SYN2: variants seen among roughly 807,000 people sequenced by gnomAD.
SYN2 encodes synapsin-2.
In SYN2, 19 loss-of-function variants were observed where a neutral mutation model predicts 50.9. The ratio of observed to expected loss-of-function variants is 0.37; its 90% confidence interval spans 0.26 to 0.55. SYN2 has a LOEUF of 0.55. SYN2 is among the 20% of genes least tolerant of loss of function. SYN2 has a pLI of 0.81. For synonymous variants in SYN2, 255 were observed against 224.9 expected (o/e 1.13, Z -1.20); for missense variants, 587 against 576.4 (o/e 1.02, Z -0.19).
intron 1 of SYN2, among the ~76,000 whole-genome samples, chr3:12,128,906 T>C (rs1469047802): frequency 2.6e-5 from 4 of 152,284 alleles, no homozygotes; most frequent in East Asian, 1.9e-4. Flanking sequence ...AGCACTAACA[T>C]GTACCAGGCA....
chr3:12,005,330 G>A (rs73135626), intron 1 of SYN2, among the ~76,000 whole-genome samples: 1 of 152,166 alleles, frequency 6.6e-6, no homozygotes, highest in Admixed American at 6.5e-5. Context: ...CAGTAAAAAA[G>A]GTTTAACTTC....
chr3:12,020,441 T>TTTGGAGTAGGGAA (rs1428788654), intron 1 of SYN2, among the ~76,000 whole-genome samples: 1 of 151,296 alleles, frequency 6.6e-6, no homozygotes, highest in Non-Finnish European at 1.5e-5. Context: ...GGCAGTGGGT[T>TTTGGAGTAGGGAA]TTGGAGTAGG....
chr3:12,048,239 A>G (rs142903762), intron 1 of SYN2, among the ~76,000 whole-genome samples: 1 of 152,280 alleles, frequency 6.6e-6, no homozygotes, highest in Non-Finnish European at 1.5e-5. Context: ...CAGTGGTATG[A>G]TCACGGCTCA....
At chr3:12,077,503 G>T (rs1251985577) in intron 1 of SYN2, among the ~76,000 whole-genome samples, 4 of 151,850 alleles carry the variant, frequency 2.6e-5, no homozygotes, top group Non-Finnish European at 5.9e-5. Context: ...CCCCAGTGTG[G>T]TGTTCCCCTC....
intron 1 of SYN2, among the ~76,000 whole-genome samples, chr3:12,031,927 T>A (rs1239390692): frequency 7.1e-6 from 1 of 140,572 alleles, no homozygotes; most frequent in African/African-American, 2.6e-5. Flanking sequence ...GTCATTATGA[T>A]GTTAGCTGGT....
At position 12,153,951 on chromosome 3, in the gene SYN2, C is replaced by A. The variant is rs542243212; in HGVS notation, c.774+2625C>A. Reference sequence around the variant, plus strand: ...CTGAGGGTCCTTACTCTACCACTGACCTTGAGCACTTCACTTGCCAGAGCT... The same window carrying A: ...CTGAGGGTCCTTACTCTACCACTGAACTTGAGCACTTCACTTGCCAGAGCT... On this transcript the variant is annotated intron_variant, in intron 5 of 12. Transcript: ENST00000621198. Among the ~76,000 whole-genome samples the A allele has an allele frequency of 1.4e-4, 22 of 152,292 alleles. No homozygotes were observed. In the East Asian group the frequency reaches 3.9e-3, roughly 27 times the overall value.
At chr3:12,175,986 C>G in intron 10 of SYN2, among the ~76,000 whole-genome samples, 1 of 152,202 alleles carries the variant, frequency 6.6e-6, no homozygotes, top group East Asian at 1.9e-4. Context: ...GCAACTGACC[C>G]TCTGTACATG....
chr3:12,015,613 C>T (rs1467834018), intron 1 of SYN2, among the ~76,000 whole-genome samples: 1 of 152,142 alleles, frequency 6.6e-6, no homozygotes, highest in Non-Finnish European at 1.5e-5. Flanking sequence ...ATTATTGTTA[C>T]TGGATTAGAA....
chr3:12,050,524 T>C (rs1694832999), intron 1 of SYN2, among the ~76,000 whole-genome samples: 1 of 151,284 alleles, frequency 6.6e-6, no homozygotes. Context: ...TTTTGTATTA[T>C]TAGTAGACAT....
At chr3:12,122,471 A>C (rs947656394) in intron 1 of SYN2, among the ~76,000 whole-genome samples, 3 of 152,156 alleles carry the variant, frequency 2.0e-5, no homozygotes, top group Non-Finnish European at 4.4e-5. Context: ...TGTAATACCA[A>C]CACAGCAAAA....
intron 1 of SYN2, among the ~76,000 whole-genome samples, chr3:12,130,237 C>CAT (rs1553617307): frequency 6.0e-5 from 9 of 149,228 alleles, no homozygotes; most frequent in South Asian, 2.1e-4. Context: ...TCTCTGTGTG[C>CAT]GTGTGTGTGT....
intron 1 of SYN2, among the ~76,000 whole-genome samples, chr3:12,063,032 A>T (rs1470211283): frequency 2.6e-5 from 4 of 151,964 alleles, no homozygotes; most frequent in Non-Finnish European, 2.9e-5. Flanking sequence ...GGAAAAGGCA[A>T]AACTATAGTA....
intron 8 of SYN2, 108 bp downstream of exon 8, chr3:12,167,416 G>C: frequency 8.4e-7 from 1 of 1,186,478 alleles, no homozygotes; most frequent in Admixed American, 2.0e-5. Context: ...GGAGCAAACC[G>C]GACAGATAAA....
At chr3:12,136,882 A>G (rs934647776) in intron 1 of SYN2, among the ~76,000 whole-genome samples, 8 of 152,180 alleles carry the variant, frequency 5.3e-5, no homozygotes, top group African/African-American at 1.9e-4. Flanking sequence ...AAGGATGTAC[A>G]TGTTGGGTTC....
chr3:12,059,269 T>A (rs1695063238), intron 1 of SYN2, among the ~76,000 whole-genome samples: 1 of 152,136 alleles, frequency 6.6e-6, no homozygotes, highest in Non-Finnish European at 1.5e-5. Flanking sequence ...AAATCATAAA[T>A]CAATACATAG....
At chr3:12,154,508 G>A (rs556465752) in intron 5 of SYN2, 1 of 1,600,096 alleles carries the variant, frequency 6.2e-7, no homozygotes, top group African/African-American at 1.3e-5. Context: ...GGAGCCCCAG[G>A]GGCCCAGGTC....
intron 1 of SYN2, among the ~76,000 whole-genome samples, chr3:12,126,058 A>G (rs1201597539): frequency 6.6e-6 from 1 of 152,232 alleles, no homozygotes; most frequent in Non-Finnish European, 1.5e-5. Flanking sequence ...GTTTACACAT[A>G]AGGGGAAAGC....
At chr3:12,144,624 T>G (rs1308571643) in intron 3 of SYN2, among the ~76,000 whole-genome samples, 1 of 152,148 alleles carries the variant, frequency 6.6e-6, no homozygotes, top group Non-Finnish European at 1.5e-5. Flanking sequence ...TCTAAAAGTG[T>G]TTCTTCCCTC....
At chr3:12,010,161 A>G (rs937643853) in intron 1 of SYN2, among the ~76,000 whole-genome samples, 3 of 152,220 alleles carry the variant, frequency 2.0e-5, no homozygotes, top group Admixed American at 2.0e-4. Context: ...AAATCCAGCA[A>G]TCTAATAAAG....
Sources: allele counts gnomAD v4.1 joint callset (sites outside exome capture counted in the v4.1 genomes callset), GRCh38; gene constraint gnomAD v4.1.1; transcripts MANE v1.5; gene names NCBI Gene and HGNC (gene_info 2026-07-23, HGNC 2026-07-21).